HNRNPK: variants seen among roughly 807,000 people sequenced by gnomAD.
HNRNPK encodes dC-stretch binding protein.
In HNRNPK, 7 loss-of-function variants were observed where a neutral mutation model predicts 67.0. The observed-to-expected ratio is 0.10, with a 90% CI of 0.06 to 0.20. The LOEUF (loss-of-function observed/expected upper bound fraction) is 0.20, where lower values mean the gene tolerates loss of function less well. HNRNPK is among the 10% of genes least tolerant of loss of function. The pLI is 1.00. For missense variants in HNRNPK, 264 were observed against 606.5 expected (o/e 0.44, Z 5.93); for synonymous variants, 213 against 193.7 (o/e 1.10, Z -0.83).
chr9:83,977,232 C>T (rs563059906), intron 4 of HNRNPK, among the ~76,000 whole-genome samples, 181 bp from the exon 5 acceptor site: 1 of 152,286 alleles, frequency 6.6e-6, no homozygotes, highest in African/African-American at 2.4e-5. Flanking sequence ...ATTCTAAGTG[C>T]TGTGAGGACT....
At chr9:83,976,793 G>A in intron 5 of HNRNPK, 3 of 418,372 alleles carry the variant, frequency 7.2e-6, no homozygotes, top group Non-Finnish European at 8.5e-6. Context: ...AGGTTTGAAA[G>A]AAACCACCCC....
rs1392564328 is a variant in HNRNPK at position 83,975,300 on chromosome 9, A to T, written c.257+162T>A. ...ATCGTTTGGGTGGGCAACTCACGGT[A>T]AAAGTTCAGTGACAAAAAGACTTAA... is the stretch of plus-strand genomic sequence containing the variant. On this transcript the variant is annotated intron_variant, in intron 6 of 16. Transcript: ENST00000376263. 1.3e-5 allele frequency: 9 copies of T among 667,226 alleles called. No individual in the cohort carries two copies. The East Asian group carries it at 2.2e-4, about 16-fold the overall frequency. The allele number at this position is 667,226 out of a possible 1,614,324, so 41.3% of individuals were successfully genotyped here.
intron 5 of HNRNPK, 51 bp downstream of exon 5, chr9:83,976,944 G>T: frequency 2.0e-6 from 2 of 984,886 alleles, no homozygotes; most frequent in Non-Finnish European, 3.1e-6. Context: ...AATTTCTATA[G>T]ACATATAAAC....
intron 10 of HNRNPK, 142 bp downstream of exon 10, chr9:83,972,702 G>GA (rs1956907019): frequency 1.6e-5 from 9 of 568,232 alleles, no homozygotes; most frequent in Non-Finnish European, 2.4e-5. Context: ...AAATTAAAGT[G>GA]ATGGCTGAAG....
rs995468742 is a variant in HNRNPK, at chr9:83,974,390, G to A, written c.330+127C>T. The A allele has an allele frequency of 1.5e-5, 8 of 522,432 alleles. No homozygotes were observed. In the Admixed American group the frequency reaches 2.2e-4, roughly 14 times the overall value. 32.4% of individuals were successfully genotyped at this position (522,432 alleles called of 1,614,324 possible). On this transcript the variant is annotated intron_variant, in intron 7 of 16. Transcript: ENST00000376263. Reference sequence around the variant, plus strand: ...TACGCATGTACAAAATTATGTAGCAGGTTAAGATACTGCTACAAACTGTCA... The same window carrying A: ...TACGCATGTACAAAATTATGTAGCAAGTTAAGATACTGCTACAAACTGTCA...
At chr9:83,973,092 T>C in intron 9 of HNRNPK, 120 bp from the exon 10 acceptor site, 3 of 791,974 alleles carry the variant, frequency 3.8e-6, no homozygotes. Flanking sequence ...ACTTCATTAA[T>C]TATCACAGGG....
chr9:83,973,996 A>G, intron 7 of HNRNPK, 23 bp from the exon 8 acceptor site: 1 of 1,564,284 alleles, frequency 6.4e-7, no homozygotes, highest in Non-Finnish European at 8.8e-7. Flanking sequence ...AAATAAGAGT[A>G]ATAGGTTAAG....
At chr9:83,974,380 T>C in intron 7 of HNRNPK, 137 bp downstream of exon 7, 2 of 479,648 alleles carry the variant, frequency 4.2e-6, no homozygotes, top group Non-Finnish European at 3.7e-6. Flanking sequence ...ATGTACAAAA[T>C]TATGTAGCAG....
chr9:83,972,403 C>CTATTT (rs1956891746), intron 10 of HNRNPK: 1 of 551,210 alleles, frequency 1.8e-6, no homozygotes, highest in Non-Finnish European at 3.2e-6. Context: ...AAAGTGAGTT[C>CTATTT]TATTGCCTAT....
chr9:83,978,274 A>G lies in HNRNPK; in HGVS notation c.-22T>C. ...CCATATTCTTTTATTAAACGGGCAC[A>G]CCAATCTGTGGAAAAATAAAGCAGC... On this transcript the variant is annotated 5_prime_UTR_variant, in exon 3 of 17. Coordinates refer to ENST00000376263, the MANE Select transcript of HNRNPK (RefSeq NM_031263.4). 2 of 1,606,916 alleles carry G rather than the reference A, an allele frequency of 1.2e-6. No homozygotes were observed. Among genetic ancestry groups the G allele is most frequent in the East Asian group, 2.2e-5 (1 of 44,776 alleles).
intron 16 of HNRNPK, 162 bp downstream of exon 16, chr9:83,970,000 A>C (rs1956754062): frequency 1.5e-6 from 1 of 652,574 alleles, no homozygotes; most frequent in African/African-American, 1.8e-5. Context: ...TTTTAGTAAG[A>C]AAGCAGAAGA....
chr9:83,979,635 C>T (rs1332539917), intron 1 of HNRNPK, among the ~76,000 whole-genome samples: 1 of 152,192 alleles, frequency 6.6e-6, no homozygotes, highest in African/African-American at 2.4e-5. Flanking sequence ...AAATGGCGGC[C>T]CGCGTAATGG....
chr9:83,974,415 AT>A (rs1956985374), intron 7 of HNRNPK, 101 bp downstream of exon 7: 1 of 587,018 alleles, frequency 1.7e-6, no homozygotes, highest in African/African-American at 1.9e-5. Flanking sequence ...ACAAACTGTC[AT>A]ATCCATTGTC....
At chr9:83,977,147 TTTGTTA>T (rs1376089254) in intron 4 of HNRNPK, 96 bp from the exon 5 acceptor site, 3 of 843,482 alleles carry the variant, frequency 3.6e-6, no homozygotes, top group Non-Finnish European at 5.9e-6. Context: ...CTCTAACCTG[TTTGTTA>T]TAAGAATAAA....
chr9:83,973,226 C>G, intron 9 of HNRNPK, 60 bp downstream of exon 9: 2 of 991,018 alleles, frequency 2.0e-6, no homozygotes, highest in Non-Finnish European at 3.2e-6. Flanking sequence ...CTCACAGAAA[C>G]AAGTCTATAT....
intron 6 of HNRNPK, among the ~76,000 whole-genome samples, chr9:83,975,052 CAA>C (rs1468225973): frequency 5.3e-5 from 8 of 152,006 alleles, no homozygotes; most frequent in African/African-American, 1.9e-4. Flanking sequence ...TGCAAGAAAA[CAA>C]ATACAAATGC....
At chr9:83,980,470 C>T (rs946488552), upstream of HNRNPK, 1 of 152,768 alleles carries the variant, frequency 6.5e-6, no homozygotes, top group African/African-American at 2.4e-5. Context: ...TTACCCGAAT[C>T]AGCAATACCC....
chr9:83,971,811 G>T, intron 11 of HNRNPK, 71 bp downstream of exon 11: 11 of 1,574,164 alleles, frequency 7.0e-6, no homozygotes, highest in Non-Finnish European at 9.5e-6. Context: ...ACCACTAAGT[G>T]CAGCCTCTTG....
chr9:83,977,383 CAAT>C (rs1315163045), intron 4 of HNRNPK, among the ~76,000 whole-genome samples: 1 of 152,116 alleles, frequency 6.6e-6, no homozygotes, highest in Non-Finnish European at 1.5e-5. Context: ...TGTGATCAAA[CAAT>C]AAACTGCCAA....
Sources: gnomAD v4.1 joint callset for allele counts (sites outside exome capture counted in the v4.1 genomes callset) on GRCh38, gnomAD v4.1.1 for gene constraint, MANE v1.5 for transcripts, NCBI Gene and HGNC (gene_info 2026-07-23, HGNC 2026-07-21) for gene names.